The following ADRA1B variants were observed in gnomAD, a reference collection of about 807,000 sequenced individuals.
The protein encoded by ADRA1B is adrenoceptor alpha 1B, also known as alpha-1B adrenergic receptor.
In ADRA1B, 17 loss-of-function variants were observed where a neutral mutation model predicts 17.9. The observed-to-expected ratio is 0.95, with a 90% CI of 0.65 to 1.42. The LOEUF is 1.42. ADRA1B is among the 40% of genes most tolerant of loss of function. The probability of loss-of-function intolerance (pLI) is 0.00; values close to 1 mark genes in which losing one functional copy is unlikely to be tolerated. For missense variants in ADRA1B, 681 were observed against 722.1 expected, an observed-to-expected ratio of 0.94 and a Z score of 0.65; for synonymous variants, 366 against 327.6, an observed-to-expected ratio of 1.12 and a Z score of -1.27.
chr5:159,908,403 G>C (rs767131634), intron 1 of ADRA1B, among the ~76,000 whole-genome samples: 1 of 152,218 alleles, frequency 6.6e-6, no homozygotes, highest in Non-Finnish European at 1.5e-5. Context: ...GGCCTGGTGG[G>C]AGGTGTTCGG....
At chr5:159,913,149 C>T (rs920079351), upstream of ADRA1B, among the ~76,000 whole-genome samples, 4 of 152,176 alleles carry the variant, frequency 2.6e-5, no homozygotes, top group Non-Finnish European at 5.9e-5. Context: ...AATGGGAGTT[C>T]TGCAACATCA....
intron 1 of ADRA1B, among the ~76,000 whole-genome samples, chr5:159,964,969 C>T (rs1329449371): frequency 6.6e-6 from 1 of 152,178 alleles, no homozygotes; most frequent in East Asian, 1.9e-4. Flanking sequence ...ATTACCCTCC[C>T]AATTTTCCAG....
At chr5:159,935,837 G>A (rs973708595) in intron 1 of ADRA1B, among the ~76,000 whole-genome samples, 16 of 152,266 alleles carry the variant, frequency 1.1e-4, no homozygotes, top group African/African-American at 3.4e-4. Flanking sequence ...GTGAGCCACC[G>A]CACCTAGCCT....
chr5:159,906,340 A>G (rs183407648), intron 1 of ADRA1B, among the ~76,000 whole-genome samples: 1 of 152,336 alleles, frequency 6.6e-6, no homozygotes, highest in Non-Finnish European at 1.5e-5. Flanking sequence ...ACATTCAACC[A>G]AGTTATGTGT....
chr5:159,932,731 TA>T (rs1310925664), intron 1 of ADRA1B, among the ~76,000 whole-genome samples: 1 of 152,194 alleles, frequency 6.6e-6, no homozygotes, highest in Non-Finnish European at 1.5e-5. Context: ...ATTTATATGA[TA>T]TTTTTAATGG....
At chr5:159,902,336 G>C (rs1226538492) in intron 1 of ADRA1B, among the ~76,000 whole-genome samples, 1 of 152,178 alleles carries the variant, frequency 6.6e-6, no homozygotes, top group Non-Finnish European at 1.5e-5. Context: ...GCGGAATGGG[G>C]AGTTGTTGTT....
intron 1 of ADRA1B, chr5:159,867,864 T>C (rs559288036): frequency 3.4e-4 from 52 of 152,346 alleles, no homozygotes; most frequent in African/African-American, 1.2e-3. Flanking sequence ...CTACCTGGCT[T>C]TGATTCTCTG....
intron 1 of ADRA1B, chr5:159,868,748 A>G (rs1219581143): frequency 2.0e-5 from 3 of 152,188 alleles, no homozygotes; most frequent in Non-Finnish European, 4.4e-5. Flanking sequence ...TGTAGGTACA[A>G]CATCCTTACT....
chr5:159,950,967 G>T, intron 1 of ADRA1B: 1 of 601,084 alleles, frequency 1.7e-6, no homozygotes. Context: ...GTGATGGCGT[G>T]GACTGTATTC....
rs1054775561 is a variant in ADRA1B at position 159,933,301 on chromosome 5, C to G, written c.949+15447C>G. Among the ~76,000 whole-genome samples the G allele has an allele frequency of 5.9e-5, 9 of 152,104 alleles. 1 individual carries two copies. Among genetic ancestry groups the G allele is most frequent in the Admixed American group, 3.9e-4 (6 of 15,266 alleles). ...TTCCTTAATATCTTTAGGGCACTTG[C>G]TTTTTAGGATTTCACTGGGATAAAG... On this transcript the variant is annotated intron_variant, in intron 1 of 1. Transcript: ENST00000306675.
At chr5:159,937,049 G>A (rs1339019173) in intron 1 of ADRA1B, among the ~76,000 whole-genome samples, 1 of 152,112 alleles carries the variant, frequency 6.6e-6, no homozygotes, top group Non-Finnish European at 1.5e-5. Context: ...AGAAACTGGA[G>A]GTGCAACCCA....
At chr5:159,939,306 TGTGTGTGTGTGTGTGTGC>T (rs1407480687) in intron 1 of ADRA1B, among the ~76,000 whole-genome samples, 2 of 141,840 alleles carry the variant, frequency 1.4e-5, no homozygotes, top group African/African-American at 5.3e-5. Context: ...TGTGTGTGTG[TGTGTGTGTGTGTGTGTGC>T]GCGCGCGCGC....
In ADRA1B at chr5:159,916,759, G is replaced by T; in HGVS notation, c.-147G>T. 1 of 725,748 alleles carries T rather than the reference G, an allele frequency of 1.4e-6. No homozygotes were observed. The highest frequency in any genetic ancestry group is 1.9e-5 in the South Asian group (1 of 52,636). The allele number at this position is 725,748 out of a possible 1,614,324, so 45.0% of individuals were successfully genotyped here. On this transcript the variant is annotated 5_prime_UTR_variant, in exon 1 of 2. Transcript: ENST00000306675. ...GGCAGGAGACGTGCTGCCGGGCTGG[G>T]CTGCCCGGGGGAGATGACTCCTCGC...
chr5:159,902,538 A>G (rs972172244), intron 1 of ADRA1B, among the ~76,000 whole-genome samples: 1 of 151,964 alleles, frequency 6.6e-6, no homozygotes, highest in African/African-American at 2.4e-5. Flanking sequence ...AGTTGAACCT[A>G]TTCAAAGACA....
chr5:159,940,550 A>G (rs563486483), intron 1 of ADRA1B, among the ~76,000 whole-genome samples: 1 of 152,314 alleles, frequency 6.6e-6, no homozygotes, highest in Admixed American at 6.5e-5. Context: ...AGTTGAGCCC[A>G]GTTTGTCTCC....
At chr5:159,988,838 G>A in the ADRA1B span, among the ~76,000 whole-genome samples, 1 of 152,134 alleles carries the variant, frequency 6.6e-6, no homozygotes. Flanking sequence ...AAATTAGCCA[G>A]GTTTGGTGAT....
Position 159,944,465 on chromosome 5 carries a change from A to C in ADRA1B, c.949+26611A>C, listed in dbSNP as rs375462321. The stretch of plus-strand genomic sequence containing the variant: ...GTACATCACACAGAGAAAGGCTAAC[A>C]CTTAGCCAAAGAAACATCAGAATGA... On this transcript the variant is annotated intron_variant, in intron 1 of 1. Transcript: ENST00000306675. Among the ~76,000 whole-genome samples, 11 of 152,382 alleles carry C rather than the reference A, an allele frequency of 7.2e-5. No individual in the cohort carries two copies. In the South Asian group the frequency reaches 2.3e-3, roughly 32 times the overall value.
At chr5:159,947,516 C>T (rs1279912456) in intron 1 of ADRA1B, among the ~76,000 whole-genome samples, 2 of 152,034 alleles carry the variant, frequency 1.3e-5, no homozygotes, top group Non-Finnish European at 1.5e-5. Flanking sequence ...TTCATTTGAT[C>T]TGCATGAAAT....
At chr5:159,870,451 T>A (rs1753722444) in intron 1 of ADRA1B, 1 of 152,150 alleles carries the variant, frequency 6.6e-6, no homozygotes, top group South Asian at 2.1e-4. Flanking sequence ...CATCAATAAA[T>A]CCATCCATCC....
Sources: allele counts gnomAD v4.1 joint callset (sites outside exome capture counted in the v4.1 genomes callset), GRCh38; gene constraint gnomAD v4.1.1; transcripts MANE v1.5; gene names NCBI Gene and HGNC (gene_info 2026-07-23, HGNC 2026-07-21).